PJA2: variants seen among roughly 807,000 people sequenced by gnomAD.
The protein encoded by PJA2 is E3 ubiquitin-protein ligase Praja-2.
In PJA2, 25 loss-of-function variants were observed where a neutral mutation model predicts 69.3. The observed-to-expected ratio is 0.36, with a 90% CI of 0.26 to 0.50. The LOEUF is 0.50. Ranked by LOEUF, PJA2 falls within the 20% of genes least tolerant of loss-of-function variation. The probability of loss-of-function intolerance (pLI) is 0.96; values close to 1 mark genes in which losing one functional copy is unlikely to be tolerated. For synonymous variants in PJA2, 308 were observed against 277.8 expected, an observed-to-expected ratio of 1.11 and a Z score of -1.08; for missense variants, 809 against 830.2, an observed-to-expected ratio of 0.97 and a Z score of 0.31.
At chr5:109,357,997 C>T (rs1012826926) in intron 6 of PJA2, among the ~76,000 whole-genome samples, 1 of 152,234 alleles carries the variant, frequency 6.6e-6, no homozygotes, top group African/African-American at 2.4e-5. Context: ...TTGGCAGTCA[C>T]CATGGTAATA....
At chr5:109,396,106 A>G (rs1016328468) in intron 1 of PJA2, among the ~76,000 whole-genome samples, 1 of 152,148 alleles carries the variant, frequency 6.6e-6, no homozygotes, top group Non-Finnish European at 1.5e-5. Flanking sequence ...AAAGTCTGAG[A>G]TATTAGCAAG....
At chr5:109,340,661 C>T (rs1232204636) in intron 9 of PJA2, among the ~76,000 whole-genome samples, 533 of 6,292 alleles carry the variant, frequency 0.085, 174 homozygotes, top group African/African-American at 0.19. Flanking sequence ...TCCCCCTCCC[C>T]CTCCCCCTCC....
At chr5:109,340,748 C>T (rs1251645139) in intron 9 of PJA2, among the ~76,000 whole-genome samples, 1 of 96,090 alleles carries the variant, frequency 1.0e-5, no homozygotes, top group African/African-American at 3.5e-5. Context: ...TGCAACCTCC[C>T]TGCCTGATTC....
intron 5 of PJA2, among the ~76,000 whole-genome samples, chr5:109,366,450 T>A (rs1402441839): frequency 2.6e-5 from 4 of 152,226 alleles, no homozygotes; most frequent in African/African-American, 4.8e-5. Flanking sequence ...TTCTTTTGCT[T>A]AGAAAGTTCT....
chr5:109,376,585 T>C (rs1746892668), intron 4 of PJA2, among the ~76,000 whole-genome samples: 1 of 151,648 alleles, frequency 6.6e-6, no homozygotes, highest in Non-Finnish European at 1.5e-5. Context: ...ATGACAAAGG[T>C]ATAGCCAAAT....
intron 9 of PJA2, among the ~76,000 whole-genome samples, chr5:109,342,713 C>A (rs1481908287): frequency 7.4e-6 from 1 of 134,524 alleles, no homozygotes; most frequent in Non-Finnish European, 1.6e-5. Flanking sequence ...GGGGAGTCAG[C>A]CCCCCCGCCC....
At chr5:109,376,387 A>C (rs1383952608) in intron 4 of PJA2, among the ~76,000 whole-genome samples, 1 of 152,016 alleles carries the variant, frequency 6.6e-6, no homozygotes, top group African/African-American at 2.4e-5. Flanking sequence ...GGGTCCTTCA[A>C]GGCAAAGAAT....
At chr5:109,345,580 A>G (rs918175153) in intron 7 of PJA2, among the ~76,000 whole-genome samples, 10 of 151,274 alleles carry the variant, frequency 6.6e-5, no homozygotes, top group Admixed American at 2.0e-4. Flanking sequence ...TTATATTTTG[A>G]AGGAGTGGTT....
At chr5:109,354,503 GATATCT>G (rs1466550581) in intron 7 of PJA2, among the ~76,000 whole-genome samples, 1 of 32,622 alleles carries the variant, frequency 3.1e-5, no homozygotes, top group Non-Finnish European at 6.3e-5. Flanking sequence ...TAATATCATA[GATATCT>G]ATATCGATAT....
At chr5:109,356,154 T>A (rs1007818573) in intron 6 of PJA2, 128 bp from the exon 7 acceptor site, 5 of 630,090 alleles carry the variant, frequency 7.9e-6, no homozygotes, top group Non-Finnish European at 1.4e-5. Context: ...CCTTAAAATA[T>A]TTTAATACCA....
At chr5:109,363,104 G>A in intron 5 of PJA2, 82 bp from the exon 6 acceptor site, 2 of 1,209,030 alleles carry the variant, frequency 1.7e-6, no homozygotes, top group Admixed American at 2.4e-5. Flanking sequence ...TTCCATGCAA[G>A]TGGATTCTGT....
At chr5:109,389,017 A>G (rs1326791509) in intron 1 of PJA2, among the ~76,000 whole-genome samples, 2 of 152,146 alleles carry the variant, frequency 1.3e-5, no homozygotes, top group Admixed American at 1.3e-4. Flanking sequence ...TACATTCCCC[A>G]AACAAATCCA....
At chr5:109,344,579 C>T (rs1762142706) in intron 8 of PJA2, 126 bp downstream of exon 8, 11 of 706,558 alleles carry the variant, frequency 1.6e-5, no homozygotes. Flanking sequence ...TTGTGAGCAT[C>T]TGGTTTCTAT....
At chr5:109,339,876 G>C (rs1234201097) in intron 9 of PJA2, among the ~76,000 whole-genome samples, 4 of 152,174 alleles carry the variant, frequency 2.6e-5, no homozygotes, top group Non-Finnish European at 4.4e-5. Flanking sequence ...TTAACAAAAT[G>C]CCAGATAAAC....
Position 109,378,359 on chromosome 5 carries a change from C to T in PJA2, c.1128G>A (p.Leu376=), listed in dbSNP as rs756543815. 2 of 1,614,098 alleles carry T rather than the reference C, an allele frequency of 1.2e-6. No individual in the cohort carries two copies. Among genetic ancestry groups the T allele is most frequent in the Non-Finnish European group, 1.7e-6 (2 of 1,180,004 alleles). ...TAATAACTCTTGAGTATGGTGGATC[C>T]AAGAACATACAGTCATGCTCTCCAT... is the stretch of plus-strand genomic sequence containing the variant. ...EYDGEHDCMF[L]DPPYSRVITQ... is the part of the protein sequence containing the mutation. Residue 376 remains leucine, a synonymous_variant, in exon 4 of 10, where the codon TTG becomes TTA. Coordinates refer to ENST00000361189, the MANE Select transcript of PJA2 (RefSeq NM_014819.5).
chr5:109,368,725 T>C lies in PJA2; in HGVS notation c.1305A>G (p.Glu435=), dbSNP rs1310507105. ...ATCGATGAGGCAAAGAAGCAGACCA[T>C]TCCCCATCACTGCATTCAGAACTGC... ...DEDSSECSDG[E]WSASLPHRFS... is the part of the protein sequence containing the mutation. Residue 435 remains glutamate, a synonymous_variant, in exon 5 of 10, where the codon GAA becomes GAG. Transcript: ENST00000361189. The C allele has an allele frequency of 3.7e-6, 6 of 1,613,624 alleles. No individual in the cohort carries two copies. The highest frequency in any genetic ancestry group is 5.1e-6 in the Non-Finnish European group (6 of 1,179,834).
At position 109,381,697 on chromosome 5, in the gene PJA2, T is replaced by C; in HGVS notation, c.38A>G (p.Asp13Gly). Residue 13 changes from aspartate to glycine, a missense_variant, in exon 3 of 10, where the codon GAC becomes GGC. Asp to Gly is a moderately conservative substitution (Grantham distance 94, BLOSUM62 -1). Around this residue, in one of 4 missense-constraint regions of PJA2, gnomAD observed 700 missense variants for 639.5 expected, o/e 1.09. Transcript: ENST00000361189. Reference protein sequence around the residue: ...QYTEKEPAAMDQESGKAVWPK... With the variant: ...QYTEKEPAAMGQESGKAVWPK... ...CCAGACAGCCTTACCAGATTCTTGG[T>C]CCATTGCTGAAAAAAAAGTTAAAAA... The C allele has an allele frequency of 6.2e-7, 1 of 1,613,256 alleles. No individual in the cohort carries two copies. Among genetic ancestry groups the C allele is most frequent in the Non-Finnish European group, 8.5e-7 (1 of 1,179,932 alleles).
At chr5:109,372,013 C>T (rs758621433) in intron 4 of PJA2, among the ~76,000 whole-genome samples, 6 of 152,182 alleles carry the variant, frequency 3.9e-5, no homozygotes, top group Non-Finnish European at 8.8e-5. Flanking sequence ...AATGAGCCAT[C>T]AATAACTGTT....
intron 1 of PJA2, among the ~76,000 whole-genome samples, chr5:109,398,944 G>C (rs1469504386): frequency 6.6e-6 from 1 of 152,096 alleles, no homozygotes; most frequent in Non-Finnish European, 1.5e-5. Context: ...CGGGTGCAGG[G>C]CTCAGGCTTG....
Sources: gnomAD v4.1 joint callset for allele counts (sites outside exome capture counted in the v4.1 genomes callset) on GRCh38, gnomAD v4.1.1 for gene constraint, gnomAD v4.1.1 regional missense constraint, MANE v1.5 for transcripts, NCBI Gene and HGNC (gene_info 2026-07-23, HGNC 2026-07-21) for gene names.